LRRK2: variants seen among roughly 807,000 people sequenced by gnomAD.
The protein encoded by LRRK2 is leucine-rich repeat serine/threonine-protein kinase 2.
In LRRK2, 203 loss-of-function variants were observed where a neutral mutation model predicts 302.6. That is an observed-to-expected ratio of 0.67 (90% CI 0.60 to 0.75). LRRK2 has a LOEUF of 0.75. Ranked by LOEUF, LRRK2 falls within the 30% of genes least tolerant of loss-of-function variation. The pLI is 0.00. For missense variants in LRRK2, 2,830 were observed against 2,951.0 expected (o/e 0.96, Z 0.95); for synonymous variants, 1,066 against 1,031.9 (o/e 1.03, Z -0.63).
rs545459956 is a variant in LRRK2, at chr12:40,323,722, C to T, written c.5656+416C>T. On this transcript the variant is annotated intron_variant, in intron 38 of 50. Coordinates refer to ENST00000298910, the MANE Select transcript of LRRK2 (RefSeq NM_198578.4). ...GGTTTTATGACTCAGTGTGACAATG[C>T]TGAATTCTCATAGAAATATTCATTA... Among the ~76,000 whole-genome samples the T allele has an allele frequency of 4.0e-5, 6 of 151,792 alleles. No individual in the cohort carries two copies. In the South Asian group the frequency reaches 1.2e-3, roughly 31 times the overall value.
intron 40 of LRRK2, among the ~76,000 whole-genome samples, chr12:40,338,051 C>T (rs17491466): frequency 0.021 from 3,204 of 152,294 alleles, 50 homozygotes; most frequent in Non-Finnish European, 0.034. Context: ...AAGACATTGA[C>T]TTAGGTGCTA....
At chr12:40,314,194 A>G in intron 32 of LRRK2, 21 bp downstream of exon 32, 1 of 1,605,960 alleles carries the variant, frequency 6.2e-7, no homozygotes, top group South Asian at 1.1e-5. Flanking sequence ...TTCGTTCCTT[A>G]TTTTCAAAGC....
In LRRK2 at chr12:40,303,798, G is replaced by A. The variant is rs1944710007; in HGVS notation, c.3591-150G>A. 5.4e-6 allele frequency: 4 copies of A among 745,490 alleles called. No homozygotes were observed. In the East Asian group the frequency reaches 1.1e-4, roughly 20 times the overall value. The allele number at this position is 745,490 out of a possible 1,614,324, so 46.2% of individuals were successfully genotyped here. On this transcript the variant is annotated intron_variant, in intron 26 of 50. Transcript: ENST00000298910. The stretch of plus-strand genomic sequence containing the variant: ...CTTAAACACTGGTGGTTCAACTTCA[G>A]GCTCTCAAATCACATGCATACTCAT...
At chr12:40,259,863 G>A (rs1490114556) in intron 13 of LRRK2, among the ~76,000 whole-genome samples, 1 of 152,122 alleles carries the variant, frequency 6.6e-6, no homozygotes, top group Non-Finnish European at 1.5e-5. Flanking sequence ...TTATTTTTAA[G>A]GAGGGTGTTC....
chr12:40,363,519 A>C lies in LRRK2; in HGVS notation c.7146A>C (p.Lys2382Asn), dbSNP rs919570241. Residue 2382 changes from lysine to asparagine, a missense_variant, in exon 48 of 51, where the codon AAA becomes AAC. Around this residue, in one of 3 missense-constraint regions of LRRK2, gnomAD observed 456 missense variants for 456.3 expected, o/e 1.00. Coordinates refer to ENST00000298910, the MANE Select transcript of LRRK2 (RefSeq NM_198578.4). ...VVEVWDKKTE[K>N]LCGLIDCVHF... is the part of the protein sequence containing the mutation. ...AAGTGTGGGATAAGAAAACTGAAAA[A>C]CTCTGTGGACTAATAGACTGCGTGC... is the stretch of plus-strand genomic sequence containing the variant. 1.2e-5 allele frequency: 20 copies of C among 1,611,752 alleles called. No individual in the cohort carries two copies. The highest frequency in any genetic ancestry group is 1.4e-5 in the Non-Finnish European group (17 of 1,178,590).
At chr12:40,355,415 T>TC (rs1946495434) in intron 45 of LRRK2, among the ~76,000 whole-genome samples, 2 of 152,028 alleles carry the variant, frequency 1.3e-5, no homozygotes. Context: ...GTTGTCAATG[T>TC]GATTAGGCCA....
chr12:40,236,536 G>A (rs184748981), intron 4 of LRRK2, among the ~76,000 whole-genome samples: 11 of 152,272 alleles, frequency 7.2e-5, no homozygotes, highest in Admixed American at 2.0e-4. Context: ...AAGAAAGGCC[G>A]CTCACAGGGA....
rs758294393 is a variant in LRRK2 at position 40,342,487 on chromosome 12, T to TC, written c.6109+2033_6109+2034insC. On this transcript the variant is annotated intron_variant, in intron 41 of 50. Transcript: ENST00000298910. ...GCTTAGTACTTTGTAAGCTTTTTTT[T>TC]TTTTTCTGGCTGTAACCTAGATTTT... is the stretch of plus-strand genomic sequence containing the variant. Among the ~76,000 whole-genome samples the TC allele has an allele frequency of 2.6e-4, 40 of 151,622 alleles. No homozygotes were observed. In the South Asian group the frequency reaches 4.4e-3, roughly 17 times the overall value.
chr12:40,331,562 A>T (rs190421143), intron 39 of LRRK2, among the ~76,000 whole-genome samples: 1 of 151,960 alleles, frequency 6.6e-6, no homozygotes, highest in African/African-American at 2.4e-5. Context: ...AAAATACACT[A>T]ACACTAATGA....
At chr12:40,362,241 T>C (rs1946736179) in intron 47 of LRRK2, among the ~76,000 whole-genome samples, 1 of 152,080 alleles carries the variant, frequency 6.6e-6, no homozygotes, top group Non-Finnish European at 1.5e-5. Context: ...CACATCATAT[T>C]TTTACCTCCT....
chr12:40,315,366 G>A, intron 33 of LRRK2, 66 bp downstream of exon 33: 1 of 1,310,620 alleles, frequency 7.6e-7, no homozygotes, highest in Non-Finnish European at 1.1e-6. Context: ...GGCGCCCAGA[G>A]CATTGAGCAT....
intron 48 of LRRK2, 56 bp downstream of exon 48, chr12:40,363,610 T>G: frequency 1.3e-6 from 2 of 1,575,994 alleles, no homozygotes; most frequent in South Asian, 2.3e-5. Flanking sequence ...GCACTTCATG[T>G]GTCACAGAGG....
intron 26 of LRRK2, among the ~76,000 whole-genome samples, 183 bp downstream of exon 26, chr12:40,303,065 T>C (rs1592256728): frequency 6.6e-6 from 1 of 152,112 alleles, no homozygotes; most frequent in Non-Finnish European, 1.5e-5. Flanking sequence ...ATGGAAACTT[T>C]TATATTTATT....
chr12:40,328,387 G>A lies in LRRK2; in HGVS notation c.5684G>A (p.Arg1895Gln), dbSNP rs774140537. ...GATGGCAGTTTTGGATCAGTTTACC[G>A]AGCAGCCTATGAAGGAGAAGAAGTG... ...LGDGSFGSVY[R>Q]AAYEGEEVAV... The change falls in exon 39 of 51, where the codon CGA becomes CAA. Residue 1895 changes from arginine to glutamine, a missense_variant. Physicochemically the swap from Arg to Gln is conservative, Grantham distance 43 (BLOSUM62 1). This residue lies in a region of LRRK2 where 253 missense variants were observed against 346.7 expected (regional missense o/e 0.73). Coordinates refer to ENST00000298910, the MANE Select transcript of LRRK2 (RefSeq NM_198578.4). The A allele has an allele frequency of 6.2e-6, 10 of 1,613,512 alleles. No individual in the cohort carries two copies. The highest frequency in any genetic ancestry group is 2.2e-5 in the East Asian group (1 of 44,818).
chr12:40,294,688 T>C (rs1399931604), intron 21 of LRRK2, among the ~76,000 whole-genome samples, 157 bp from the exon 22 acceptor site: 1 of 152,048 alleles, frequency 6.6e-6, no homozygotes, highest in African/African-American at 2.4e-5. Flanking sequence ...GAGTTTTCTT[T>C]TATCCTCATA....
intron 18 of LRRK2, among the ~76,000 whole-genome samples, chr12:40,281,334 C>T (rs1943688730): frequency 6.6e-6 from 1 of 152,164 alleles, no homozygotes; most frequent in African/African-American, 2.4e-5. Flanking sequence ...AAATCTGCCT[C>T]CACAGTGCCT....
At chr12:40,267,865 A>G (rs759516986) in intron 14 of LRRK2, among the ~76,000 whole-genome samples, 12 of 152,208 alleles carry the variant, frequency 7.9e-5, no homozygotes, top group Non-Finnish European at 1.6e-4. Flanking sequence ...ATTACAAAGC[A>G]TCAGAGGATT....
At chr12:40,301,669 A>G (rs1347168487) in intron 25 of LRRK2, among the ~76,000 whole-genome samples, 2 of 152,158 alleles carry the variant, frequency 1.3e-5, no homozygotes, top group South Asian at 2.1e-4. Flanking sequence ...AGAATAACCC[A>G]TATTTTTAAC....
chr12:40,277,058 C>T (rs964699225), intron 16 of LRRK2, among the ~76,000 whole-genome samples: 33 of 152,096 alleles, frequency 2.2e-4, no homozygotes, highest in African/African-American at 7.7e-4. Flanking sequence ...GCAGGCTGGT[C>T]TTGAATTCCT....
Sources: gnomAD v4.1 joint callset for allele counts (sites outside exome capture counted in the v4.1 genomes callset) on GRCh38, gnomAD v4.1.1 for gene constraint, gnomAD v4.1.1 regional missense constraint, MANE v1.5 for transcripts, NCBI Gene and HGNC (gene_info 2026-07-23, HGNC 2026-07-21) for gene names.